Variants in GALNT13 observed in about 807,000 individuals in gnomAD.
GALNT13 encodes the protein polypeptide N-acetylgalactosaminyltransferase 13, also known as UDP-GalNAc:polypeptide N-acetylgalactosaminyltransferase 13.
A neutral mutation model predicts 64.2 loss-of-function variants in GALNT13; 28 were observed. The observed-to-expected ratio is 0.44, with a 90% CI of 0.32 to 0.60. The LOEUF (loss-of-function observed/expected upper bound fraction) is 0.60, where lower values mean the gene tolerates loss of function less well. Ranked by LOEUF, GALNT13 falls within the 20% of genes least tolerant of loss-of-function variation. The pLI is 0.05. For synonymous variants in GALNT13, 214 were observed against 224.6 expected (o/e 0.95, Z 0.42); for missense variants, 577 against 669.8 (o/e 0.86, Z 1.53).
chr2:154,234,455 G>A (rs1689085449), intron 4 of GALNT13, among the ~76,000 whole-genome samples: 1 of 152,088 alleles, frequency 6.6e-6, no homozygotes, highest in African/African-American at 2.4e-5. Context: ...ATGGCAGAAT[G>A]GGGAGGAAAC....
intron 3 of GALNT13, among the ~76,000 whole-genome samples, chr2:154,084,388 A>G (rs1260479288): frequency 6.6e-6 from 1 of 151,860 alleles, no homozygotes; most frequent in Non-Finnish European, 1.5e-5. Flanking sequence ...TATCTCGAGT[A>G]TGAAAGGACC....
At chr2:154,186,549 A>G (rs1262037608) in intron 4 of GALNT13, among the ~76,000 whole-genome samples, 3 of 152,094 alleles carry the variant, frequency 2.0e-5, no homozygotes, top group Non-Finnish European at 4.4e-5. Flanking sequence ...CCTACCATTG[A>G]TTTTACATCA....
Position 154,343,320 on chromosome 2 carries a change from A to C in GALNT13, c.1156+41731A>C, listed in dbSNP as rs79015680. Among the ~76,000 whole-genome samples the C allele has an allele frequency of 7.0e-3, 1,068 of 152,184 alleles. 12 individuals carry two copies. The highest frequency in any genetic ancestry group is 0.025 in the African/African-American group (1,020 of 41,528). ...GCTATCTGTTTAGGGAAGGGGAACA[A>C]CTTAGTAAATATATATATTTGCTTA... On this transcript the variant is annotated intron_variant, in intron 9 of 12. Coordinates refer to ENST00000392825, the MANE Select transcript of GALNT13 (RefSeq NM_052917.4).
the GALNT13 span, among the ~76,000 whole-genome samples, chr2:153,148,260 G>A: frequency 6.6e-5 from 10 of 151,876 alleles, no homozygotes; most frequent in Non-Finnish European, 1.3e-4. Flanking sequence ...CACCAGAAGT[G>A]ATTTGTAACA....
chr2:154,296,802 G>C (rs748891695), intron 8 of GALNT13, among the ~76,000 whole-genome samples: 2 of 151,840 alleles, frequency 1.3e-5, no homozygotes, highest in Non-Finnish European at 2.9e-5. Context: ...TTTAAGTCTG[G>C]GATACATGTG....
the GALNT13 span, among the ~76,000 whole-genome samples, chr2:153,599,905 G>C: frequency 2.4e-4 from 36 of 152,028 alleles, 1 homozygote; most frequent in African/African-American, 8.4e-4. Context: ...AACCACCAAA[G>C]CTGTGTCAAG....
chr2:153,384,990 A>C, the GALNT13 span, among the ~76,000 whole-genome samples: 74 of 152,174 alleles, frequency 4.9e-4, no homozygotes, highest in African/African-American at 1.7e-3. Context: ...CCATTTCACT[A>C]CAGATTTTTT....
chr2:154,419,442 C>T (rs184904114), intron 11 of GALNT13, among the ~76,000 whole-genome samples: 44 of 152,192 alleles, frequency 2.9e-4, no homozygotes, highest in Non-Finnish European at 5.1e-4. Flanking sequence ...TGTAGAGTCT[C>T]ATTTTATGTT....
chr2:154,297,184 A>T (rs180858205), intron 8 of GALNT13, among the ~76,000 whole-genome samples: 2 of 152,272 alleles, frequency 1.3e-5, no homozygotes, highest in Admixed American at 1.3e-4. Flanking sequence ...AGGGAAGTAA[A>T]ATTAAGTAAT....
the GALNT13 span, among the ~76,000 whole-genome samples, chr2:153,502,139 C>T: frequency 6.6e-6 from 1 of 152,006 alleles, no homozygotes; most frequent in Admixed American, 6.5e-5. Context: ...TGTTTGGTTA[C>T]ATGAATAAAT....
At chr2:154,287,445 C>T in intron 8 of GALNT13, 1 of 410,654 alleles carries the variant, frequency 2.4e-6, no homozygotes, top group South Asian at 2.2e-5. Context: ...CTGCCTTCAC[C>T]TCTGAGGGCC....
At chr2:153,954,182 G>A (rs905657509) in intron 3 of GALNT13, among the ~76,000 whole-genome samples, 1 of 152,072 alleles carries the variant, frequency 6.6e-6, no homozygotes, top group Non-Finnish European at 1.5e-5. Flanking sequence ...TTAAATTAAA[G>A]CAATAAAACT....
chr2:154,034,355 T>C (rs1159913979), intron 3 of GALNT13, among the ~76,000 whole-genome samples: 3 of 152,202 alleles, frequency 2.0e-5, no homozygotes, highest in Admixed American at 6.5e-5. Context: ...TATGACATAT[T>C]GGAAAATATC....
the GALNT13 span, among the ~76,000 whole-genome samples, chr2:153,610,142 G>C: frequency 2.6e-5 from 4 of 152,084 alleles, no homozygotes; most frequent in Non-Finnish European, 5.9e-5. Flanking sequence ...CATTACCAAA[G>C]TTGGTGAATA....
the GALNT13 span, among the ~76,000 whole-genome samples, chr2:153,247,704 T>C: frequency 2.3e-5 from 1 of 43,360 alleles, no homozygotes; most frequent in African/African-American, 1.7e-4. Flanking sequence ...ATACAAGAAG[T>C]AACTAAGATC....
chr2:153,538,326 C>CTTTTTTTTTTTTTTT, the GALNT13 span, among the ~76,000 whole-genome samples: 1 of 100,846 alleles, frequency 9.9e-6, no homozygotes, highest in African/African-American at 3.5e-5. Flanking sequence ...TTTTTTAATT[C>CTTTTTTTTTTTTTTT]TTTTTTTTTT....
chr2:153,833,515 C>G, the GALNT13 span, among the ~76,000 whole-genome samples: 1 of 152,078 alleles, frequency 6.6e-6, no homozygotes. Context: ...AAAGAAGTCT[C>G]ACAGTATAAT....
the GALNT13 span, among the ~76,000 whole-genome samples, chr2:153,230,648 T>A: frequency 6.6e-6 from 1 of 152,216 alleles, no homozygotes; most frequent in Non-Finnish European, 1.5e-5. Flanking sequence ...TGATTACAAC[T>A]CACAATTTAA....
At chr2:154,036,283 G>T (rs137874898) in intron 3 of GALNT13, among the ~76,000 whole-genome samples, 1 of 152,128 alleles carries the variant, frequency 6.6e-6, no homozygotes, top group East Asian at 1.9e-4. Flanking sequence ...TGGCAACATT[G>T]ATCCCATGAT....
Sources: allele counts gnomAD v4.1 joint callset (sites outside exome capture counted in the v4.1 genomes callset), GRCh38; gene constraint gnomAD v4.1.1; transcripts MANE v1.5; gene names NCBI Gene and HGNC (gene_info 2026-07-23, HGNC 2026-07-21).